The following UST variants were observed in gnomAD, a reference collection of about 807,000 sequenced individuals.
UST encodes uronyl 2-sulfotransferase.
UST carries 21 observed loss-of-function variants against 45.6 expected under a neutral mutation model. The observed-to-expected ratio is 0.46, with a 90% CI of 0.33 to 0.66. The LOEUF is 0.66. UST is among the 30% of genes least tolerant of loss of function. UST has a pLI of 0.02. For synonymous variants in UST, 215 were observed against 200.6 expected (o/e 1.07, Z -0.61); for missense variants, 463 against 512.4 (o/e 0.90, Z 0.93).
At chr6:148,896,050 T>A (rs1779123528) in intron 2 of UST, among the ~76,000 whole-genome samples, 1 of 152,232 alleles carries the variant, frequency 6.6e-6, no homozygotes, top group Non-Finnish European at 1.5e-5. Context: ...ATAATGATAG[T>A]AGGTAAATTA....
At chr6:148,904,890 A>C (rs1779326934) in intron 2 of UST, among the ~76,000 whole-genome samples, 2 of 152,136 alleles carry the variant, frequency 1.3e-5, no homozygotes, top group South Asian at 4.1e-4. Context: ...CCATCTTGTA[A>C]GGCTTTCCTT....
chr6:148,785,300 A>T (rs1776715098), intron 1 of UST, among the ~76,000 whole-genome samples: 1 of 152,076 alleles, frequency 6.6e-6, no homozygotes, highest in Non-Finnish European at 1.5e-5. Flanking sequence ...TATCAAGAGG[A>T]GAAAAGCATC....
At chr6:148,908,485 GTGT>G (rs1423502942) in intron 2 of UST, among the ~76,000 whole-genome samples, 1 of 152,100 alleles carries the variant, frequency 6.6e-6, no homozygotes, top group African/African-American at 2.4e-5. Flanking sequence ...TTTTATTTTA[GTGT>G]ATGAGAAAGT....
rs547019181 is a variant in UST at position 148,772,642 on chromosome 6, T to C, written c.247+24965T>C. On this transcript the variant is annotated intron_variant, in intron 1 of 7. Coordinates refer to ENST00000367463, the MANE Select transcript of UST (RefSeq NM_005715.3). ...TTTCGATATGTTGGTCAGGCTGGTCTCAAACTCCTGGCCTCAAGTGATCCT... is the reference window on the plus strand; with the variant it reads ...TTTCGATATGTTGGTCAGGCTGGTCCCAAACTCCTGGCCTCAAGTGATCCT... Among the ~76,000 whole-genome samples, 45 of 152,220 alleles carry C rather than the reference T, an allele frequency of 3.0e-4. No individual in the cohort carries two copies. The South Asian group carries it at 9.3e-3, about 32-fold the overall frequency.
chr6:148,972,354 G>A (rs139455919), intron 5 of UST, among the ~76,000 whole-genome samples: 3,152 of 152,306 alleles, frequency 0.021, 38 homozygotes, highest in South Asian at 0.043. Context: ...GGGACAGCAG[G>A]AGGGGACTGT....
chr6:148,777,288 G>T (rs1464773556), intron 1 of UST, among the ~76,000 whole-genome samples: 8 of 152,178 alleles, frequency 5.3e-5, no homozygotes, highest in Non-Finnish European at 1.2e-4. Flanking sequence ...CAAGCCTGAT[G>T]GATGACTCTG....
intron 1 of UST, among the ~76,000 whole-genome samples, chr6:148,791,019 C>T (rs912948454): frequency 6.6e-6 from 1 of 152,234 alleles, no homozygotes; most frequent in Non-Finnish European, 1.5e-5. Flanking sequence ...TTACAGTTCG[C>T]TGACTACTGA....
chr6:149,010,819 GA>G (rs1181973938), intron 5 of UST, among the ~76,000 whole-genome samples: 1 of 145,296 alleles, frequency 6.9e-6, no homozygotes, highest in Non-Finnish European at 1.5e-5. Context: ...CTTAATCTGG[GA>G]GGCAGAGGTT....
chr6:148,752,964 G>T (rs778159020), intron 1 of UST, among the ~76,000 whole-genome samples: 25 of 151,970 alleles, frequency 1.6e-4, no homozygotes, highest in Non-Finnish European at 3.7e-4. Flanking sequence ...ATAGAAACTC[G>T]GCTTTAAGCA....
intron 7 of UST, among the ~76,000 whole-genome samples, chr6:149,027,396 G>C (rs562368557): frequency 6.6e-6 from 1 of 152,334 alleles, no homozygotes; most frequent in Admixed American, 6.5e-5. Flanking sequence ...CCATGGGTCT[G>C]CCCATATGAC....
At chr6:148,930,490 A>G (rs1412445441) in intron 2 of UST, among the ~76,000 whole-genome samples, 1 of 152,208 alleles carries the variant, frequency 6.6e-6, no homozygotes, top group Non-Finnish European at 1.5e-5. Context: ...TAAATGCTCA[A>G]TAATTACTTG....
intron 2 of UST, among the ~76,000 whole-genome samples, chr6:148,909,762 T>C (rs961960336): frequency 5.9e-5 from 9 of 152,216 alleles, no homozygotes; most frequent in African/African-American, 1.9e-4. Context: ...GAAGTATCTA[T>C]ATGAAGATAA....
Position 148,747,659 on chromosome 6 carries a change from G to T in UST, c.229G>T (p.Asp77Tyr), listed in dbSNP as rs752103505. Reference protein sequence around the residue: ...LSGGPPRFLLDLRQYLGNSTY... With the variant: ...LSGGPPRFLLYLRQYLGNSTY... Reference sequence around the variant, plus strand: ...CGGGGGACCCCCTCGCTTCCTGCTCGACCTGCGGCAGTACTTGGGTAAGGA... The same window carrying T: ...CGGGGGACCCCCTCGCTTCCTGCTCTACCTGCGGCAGTACTTGGGTAAGGA... Residue 77 changes from aspartate (D) to tyrosine (Y), a missense_variant, in exon 1 of 8, where the codon GAC becomes TAC. Physicochemically the swap from Asp to Tyr is radical, Grantham distance 160. Transcript: ENST00000367463. 1.3e-6 allele frequency: 2 copies of T among 1,599,928 alleles called. No homozygotes were observed. The highest frequency in any genetic ancestry group is 4.6e-5 in the East Asian group (2 of 43,302).
chr6:148,995,099 A>T (rs992726957), intron 5 of UST, among the ~76,000 whole-genome samples: 1 of 152,074 alleles, frequency 6.6e-6, no homozygotes, highest in African/African-American at 2.4e-5. Context: ...ATCTCGGCTC[A>T]CTGCAACCTC....
chr6:149,025,734 G>A (rs533632074), intron 7 of UST, among the ~76,000 whole-genome samples: 3 of 152,270 alleles, frequency 2.0e-5, no homozygotes, highest in African/African-American at 7.2e-5. Context: ...ACTGAGGCCA[G>A]GTATAGTGAC....
intron 2 of UST, among the ~76,000 whole-genome samples, chr6:148,931,665 G>T (rs1779924261): frequency 6.6e-6 from 1 of 152,180 alleles, no homozygotes; most frequent in Admixed American, 6.5e-5. Context: ...ATGGCTACAA[G>T]TCTGATGTGA....
At chr6:149,066,374 A>AG (rs1157570846) in intron 7 of UST, 1 of 152,056 alleles carries the variant, frequency 6.6e-6, no homozygotes, top group Non-Finnish European at 1.5e-5. Flanking sequence ...GCATGAGACA[A>AG]GGGTTTTTTC....
chr6:148,992,991 T>C (rs1036144335), intron 5 of UST: 2 of 985,310 alleles, frequency 2.0e-6, no homozygotes, highest in African/African-American at 3.5e-5. Context: ...CAGACCCCTT[T>C]GGGCGGCTCA....
chr6:149,038,210 G>A (rs974664614), intron 7 of UST, among the ~76,000 whole-genome samples: 3 of 151,618 alleles, frequency 2.0e-5, no homozygotes, highest in African/African-American at 7.3e-5. Context: ...ATCCCCTAAC[G>A]TTACCCAAGA....
Sources: allele counts gnomAD v4.1 joint callset (sites outside exome capture counted in the v4.1 genomes callset), GRCh38; gene constraint gnomAD v4.1.1; transcripts MANE v1.5; gene names NCBI Gene and HGNC (gene_info 2026-07-23, HGNC 2026-07-21).